ARID3A: variants seen among roughly 807,000 people sequenced by gnomAD.
ARID3A encodes AT-rich interaction domain 3A.
In ARID3A, 11 loss-of-function variants were observed where a neutral mutation model predicts 52.7. That is an observed-to-expected ratio of 0.21 (90% CI 0.13 to 0.35). The LOEUF (loss-of-function observed/expected upper bound fraction) is 0.35, where lower values mean the gene tolerates loss of function less well. Ranked by LOEUF, ARID3A falls within the 10% of genes least tolerant of loss-of-function variation. The pLI, the probability that ARID3A is intolerant of heterozygous loss-of-function variation, is 1.00. For synonymous variants in ARID3A, 404 were observed against 359.4 expected, an observed-to-expected ratio of 1.12 and a Z score of -1.40; for missense variants, 721 against 838.5, an observed-to-expected ratio of 0.86 and a Z score of 1.73.
At chr19:932,959 G>A (rs557402990) in intron 3 of ARID3A, among the ~76,000 whole-genome samples, 1 of 152,332 alleles carries the variant, frequency 6.6e-6, no homozygotes, top group South Asian at 2.1e-4. Context: ...AGGAGCACCC[G>A]GCCGGGTAGG....
In ARID3A at chr19:929,436, G is replaced by GC; in HGVS notation, c.-88dup. On this transcript the variant is annotated 5_prime_UTR_variant, in exon 2 of 9. Transcript: ENST00000263620. The surrounding 1 kb of genome is among the most constrained non-coding windows in gnomAD (Gnocchi z 6.2). ...GGCCCCCACGCTGCAGTGCGGCCGGGCCCCCTCCCCGCAGGGGCCGCCCCC... is the reference window on the plus strand; with the variant it reads ...GGCCCCCACGCTGCAGTGCGGCCGGGCCCCCCTCCCCGCAGGGGCCGCCCCC... 26,719 of 1,222,950 alleles carry GC rather than the reference G, an allele frequency of 0.022. 3 individuals are homozygous for GC. Among genetic ancestry groups the GC allele is most frequent in the Non-Finnish European group, 0.025 (24,465 of 960,512 alleles). 75.8% of individuals were successfully genotyped at this position (1,222,950 alleles called of 1,614,324 possible).
At chr19:962,042 C>T (rs1395692007) in intron 4 of ARID3A, 3 of 152,174 alleles carry the variant, frequency 2.0e-5, no homozygotes, top group Non-Finnish European at 2.9e-5. Context: ...GGAATTCCTA[C>T]AGGACAGGAG....
chr19:966,589 C>G lies in ARID3A; in HGVS notation c.1216C>G (p.Pro406Ala), dbSNP rs375227599. The change falls in exon 7 of 9, where the codon CCC (proline) becomes GCC (alanine). Residue 406 changes from proline to alanine, a missense_variant. Physicochemically the swap from Pro to Ala is conservative, Grantham distance 27 (BLOSUM62 -1). This residue lies in a region of ARID3A where 297 missense variants were observed against 343.2 expected (regional missense o/e 0.87). Coordinates refer to ENST00000263620, the MANE Select transcript of ARID3A (RefSeq NM_005224.3). ...CTACCTAGAGGAGGACTCAGCCATC[C>G]CCATCACAGTCCCTGGCCGCCTGCC... ...KIKKEEDSAIPITVPGRLPVS... is the reference protein window; with the variant it reads ...KIKKEEDSAIAITVPGRLPVS... 5 of 1,564,226 alleles carry G rather than the reference C, an allele frequency of 3.2e-6. No homozygotes were observed. The African/African-American group carries it at 5.4e-5, about 17-fold the overall frequency.
chr19:955,683 G>C (rs1184082504), intron 3 of ARID3A, among the ~76,000 whole-genome samples: 1 of 152,082 alleles, frequency 6.6e-6, no homozygotes, highest in East Asian at 1.9e-4. Flanking sequence ...GTGCGGTGAG[G>C]TTTCTTGTAG....
rs567298125 is a variant in ARID3A, at chr19:973,663, C to G, written c.*1598C>G. 9.3e-5 allele frequency: 21 copies of G among 226,474 alleles called. No homozygotes were observed. Among genetic ancestry groups the G allele is most frequent in the Admixed American group, 1.1e-4 (2 of 17,574 alleles). The allele number at this position is 226,474 out of a possible 1,614,324, so 14.0% of individuals were successfully genotyped here. A position where few individuals can be genotyped will look rare whatever the true frequency, so the allele number is the denominator to read the frequency against. On this transcript the variant is annotated 3_prime_UTR_variant, in exon 9 of 9. Coordinates refer to ENST00000263620, the MANE Select transcript of ARID3A (RefSeq NM_005224.3). Reference sequence around the variant, plus strand: ...TGAACACCCCCCACACCCCAACATTCTCCTCGCTCTGTCCCTTCCTCTTCT... The same window carrying G: ...TGAACACCCCCCACACCCCAACATTGTCCTCGCTCTGTCCCTTCCTCTTCT...
intron 4 of ARID3A, among the ~76,000 whole-genome samples, chr19:962,513 CTT>C (rs539409112): frequency 1.1e-4 from 13 of 115,272 alleles, no homozygotes; most frequent in Non-Finnish European, 1.9e-4. Flanking sequence ...GCTGCTGATC[CTT>C]TTTTTTTTTT....
Position 947,303 on chromosome 19 carries a change from G to A in ARID3A, c.694-12789G>A, listed in dbSNP as rs2037707491. Among the ~76,000 whole-genome samples, 1 of 152,148 alleles carries A rather than the reference G, an allele frequency of 6.6e-6. No individual in the cohort carries two copies. The highest frequency in any genetic ancestry group is 2.4e-5 in the African/African-American group (1 of 41,428). On this transcript the variant is annotated intron_variant, in intron 3 of 8. Transcript: ENST00000263620. This position sits in a 1 kb window ranked among gnomAD's most constrained non-coding sequence, Gnocchi z 6.3. The stretch of plus-strand genomic sequence containing the variant: ...GCGGAGACTCTATTAGGGACTGCGG[G>A]CCCCAGATTTCCACGTCATATCTCG...
rs1053745879 is a variant in ARID3A at position 974,369 on chromosome 19, G to C, written c.*2304G>C. Reference sequence around the variant, plus strand: ...GTAGCAGCACAATCACCCCGGGAAGGGGGTGTCTGTTTGCCTCCAGACACA... The same window carrying C: ...GTAGCAGCACAATCACCCCGGGAAGCGGGTGTCTGTTTGCCTCCAGACACA... On this transcript the variant is annotated 3_prime_UTR_variant, in exon 9 of 9. Coordinates refer to ENST00000263620, the MANE Select transcript of ARID3A (RefSeq NM_005224.3). 6.1e-5 allele frequency: 14 copies of C among 229,764 alleles called. No individual in the cohort carries two copies. Among genetic ancestry groups the C allele is most frequent in the South Asian group, 3.6e-4 (2 of 5,494 alleles). The allele number at this position is 229,764 out of a possible 1,614,324, so 14.2% of individuals were successfully genotyped here.
chr19:958,968 G>A (rs1314889285), intron 3 of ARID3A, among the ~76,000 whole-genome samples: 2 of 152,194 alleles, frequency 1.3e-5, no homozygotes, highest in Non-Finnish European at 2.9e-5. Context: ...TCATGCTCAC[G>A]TTGCCACTGC....
chr19:939,336 C>T (rs1046652867), intron 3 of ARID3A, among the ~76,000 whole-genome samples: 2 of 152,130 alleles, frequency 1.3e-5, no homozygotes, highest in African/African-American at 4.8e-5. Context: ...CCAGGGTGGT[C>T]TCGTATTCCT....
chr19:966,125 C>T (rs2038145728), intron 6 of ARID3A, among the ~76,000 whole-genome samples: 1 of 151,484 alleles, frequency 6.6e-6, no homozygotes, highest in African/African-American at 2.4e-5. Context: ...CGCGCCACTG[C>T]CCTCCAGCCT....
chr19:950,575 GC>G (rs1225725233), intron 3 of ARID3A, among the ~76,000 whole-genome samples: 1 of 152,166 alleles, frequency 6.6e-6, no homozygotes, highest in Admixed American at 6.5e-5. Flanking sequence ...GTGGGGACCG[GC>G]AGGCAGGCAG....
intron 8 of ARID3A, among the ~76,000 whole-genome samples, chr19:969,689 GT>G (rs1555732060): frequency 2.1e-5 from 3 of 143,408 alleles, no homozygotes; most frequent in Admixed American, 7.0e-5. Context: ...ATATATAGTT[GT>G]TTTTTTTTTC....
chr19:961,778 G>C (rs2038046523), intron 4 of ARID3A: 1 of 152,268 alleles, frequency 6.6e-6, no homozygotes, highest in Non-Finnish European at 1.5e-5. Flanking sequence ...AATTGACCAG[G>C]CGTGGTGGCA....
chr19:938,276 A>G lies in ARID3A; in HGVS notation c.693+5534A>G, dbSNP rs1157425795. ...AGCTTGCTGCCCATGTAACTTGCAG[A>G]TGAGCTCAGAGGTGTAGGAATGACG... On this transcript the variant is annotated intron_variant, in intron 3 of 8. Coordinates refer to ENST00000263620, the MANE Select transcript of ARID3A (RefSeq NM_005224.3). The surrounding 1 kb of genome is among the most constrained non-coding windows in gnomAD (Gnocchi z 4.0). Among the ~76,000 whole-genome samples, 1 of 152,132 alleles carries G rather than the reference A, an allele frequency of 6.6e-6. No individual in the cohort carries two copies. The highest frequency in any genetic ancestry group is 6.5e-5 in the Admixed American group (1 of 15,272).
rs749890340 is a variant in ARID3A, at chr19:965,032, G to T, written c.1150G>T (p.Ala384Ser). 2 of 1,612,974 alleles carry T rather than the reference G, an allele frequency of 1.2e-6. No individual in the cohort carries two copies. The highest frequency in any genetic ancestry group is 1.1e-5 in the South Asian group (1 of 91,008). The change falls in exon 6 of 9, where the codon GCA becomes TCA. Residue 384 changes from alanine (A) to serine (S), a missense_variant. Ala to Ser is a moderately conservative substitution (Grantham distance 99). Around this residue, in one of 5 missense-constraint regions of ARID3A, gnomAD observed 297 missense variants for 343.2 expected, o/e 0.87. Transcript: ENST00000263620. ...KLPVSSLGLA[A>S]STNGSSITPA... is the part of the protein sequence containing the mutation. ...ACCCGTGTCCTCCCTGGGCCTGGCC[G>T]CAAGCACCAATGGCAGCTCCATCAC...
Position 938,572 on chromosome 19 carries a change from G to A in ARID3A, c.693+5830G>A, listed in dbSNP as rs1302362069. Among the ~76,000 whole-genome samples the A allele has an allele frequency of 6.6e-6, 1 of 152,224 alleles. No homozygotes were observed. Among genetic ancestry groups the A allele is most frequent in the Non-Finnish European group, 1.5e-5 (1 of 68,030 alleles). On this transcript the variant is annotated intron_variant, in intron 3 of 8. Coordinates refer to ENST00000263620, the MANE Select transcript of ARID3A (RefSeq NM_005224.3). This position sits in a 1 kb window ranked among gnomAD's most constrained non-coding sequence, Gnocchi z 4.0. ...AGGGAGCTGCTGGTGGGACGGTTTT[G>A]GGGAAGCTCAGCTGCCCCTCCGTTT...
intron 4 of ARID3A, among the ~76,000 whole-genome samples, chr19:962,512 C>CGTT (rs2038062616): frequency 2.3e-5 from 1 of 43,290 alleles, no homozygotes; most frequent in Non-Finnish European, 6.3e-5. Flanking sequence ...TGCTGCTGAT[C>CGTT]CTTTTTTTTT....
In ARID3A at chr19:966,615, T is replaced by A; in HGVS notation, c.1242T>A (p.Pro414=). Residue 414 remains proline (P), a synonymous_variant, in exon 7 of 9, where the codon CCT becomes CCA. Coordinates refer to ENST00000263620, the MANE Select transcript of ARID3A (RefSeq NM_005224.3). ...CCATCACAGTCCCTGGCCGCCTGCCTGTGTCCCTGGCGGGCCACCCTGTGG... is the reference window on the plus strand; with the variant it reads ...CCATCACAGTCCCTGGCCGCCTGCCAGTGTCCCTGGCGGGCCACCCTGTGG... ...AIPITVPGRL[P]VSLAGHPVVA... 1 of 1,591,370 alleles carries A rather than the reference T, an allele frequency of 6.3e-7. No homozygotes were observed. The highest frequency in any genetic ancestry group is 8.6e-7 in the Non-Finnish European group (1 of 1,164,634).
Sources: gnomAD v4.1 joint callset for allele counts (sites outside exome capture counted in the v4.1 genomes callset) on GRCh38, gnomAD v4.1.1 for gene constraint, gnomAD v4.1.1 regional missense constraint, Gnocchi (gnomAD v3.1) non-coding constraint, MANE v1.5 for transcripts, NCBI Gene and HGNC (gene_info 2026-07-23, HGNC 2026-07-21) for gene names.